Variants in PTPRD observed in about 807,000 individuals in gnomAD.
PTPRD encodes receptor-type tyrosine-protein phosphatase delta.
Under a neutral mutation model 214.5 loss-of-function variants are expected in PTPRD, and 34 were observed. The ratio of observed to expected loss-of-function variants is 0.16; its 90% CI spans 0.12 to 0.21. The LOEUF (loss-of-function observed/expected upper bound fraction) is 0.21. Ranked by LOEUF, PTPRD falls within the 10% of genes least tolerant of loss-of-function variation. The pLI is 1.00. For missense variants in PTPRD, 2,545 were observed against 2,398.7 expected (o/e 1.06, Z -1.27); for synonymous variants, 1,128 against 845.7 (o/e 1.33, Z -5.79).
At chr9:8,774,785 C>T (rs1428985751) in intron 11 of PTPRD, among the ~76,000 whole-genome samples, 9 of 152,156 alleles carry the variant, frequency 5.9e-5, no homozygotes, top group African/African-American at 2.2e-4. Context: ...CCCCCCGCCT[C>T]GGCCTCCCAA....
chr9:9,037,226 T>C (rs2099624858), intron 10 of PTPRD, among the ~76,000 whole-genome samples: 1 of 152,090 alleles, frequency 6.6e-6, no homozygotes, highest in Admixed American at 6.6e-5. Context: ...GATAATTTAG[T>C]CCAAATCCTC....
At chr9:9,466,752 T>C (rs2094189893) in intron 8 of PTPRD, among the ~76,000 whole-genome samples, 1 of 152,174 alleles carries the variant, frequency 6.6e-6, no homozygotes, top group Non-Finnish European at 1.5e-5. Context: ...TCCTGGACTT[T>C]TTGATTTTCT....
intron 9 of PTPRD, among the ~76,000 whole-genome samples, chr9:9,397,061 T>C (rs1480338268): frequency 2.6e-5 from 4 of 152,040 alleles, no homozygotes; most frequent in Non-Finnish European, 5.9e-5. Context: ...ATGGTATGGA[T>C]AGTAGAGAAA....
At chr9:10,404,349 G>C (rs915946580) in intron 2 of PTPRD, among the ~76,000 whole-genome samples, 6 of 151,656 alleles carry the variant, frequency 4.0e-5, no homozygotes, top group Non-Finnish European at 5.9e-5. Context: ...GACTTTTTGA[G>C]AGAAAGTTCA....
chr9:9,926,497 A>C (rs993531281), intron 5 of PTPRD, among the ~76,000 whole-genome samples: 1 of 152,190 alleles, frequency 6.6e-6, no homozygotes, highest in African/African-American at 2.4e-5. Flanking sequence ...CAGTAAATAC[A>C]TGATGAATGC....
At chr9:9,824,260 T>C (rs1360594645) in intron 5 of PTPRD, among the ~76,000 whole-genome samples, 1 of 152,016 alleles carries the variant, frequency 6.6e-6, no homozygotes, top group Non-Finnish European at 1.5e-5. Flanking sequence ...TGCATCTTTA[T>C]TTATCCTTAG....
At chr9:8,913,365 T>A (rs2098761320) in intron 11 of PTPRD, among the ~76,000 whole-genome samples, 4 of 152,110 alleles carry the variant, frequency 2.6e-5, no homozygotes, top group Admixed American at 2.6e-4. Flanking sequence ...ACTGAAGACA[T>A]CTCTCTGTTG....
chr9:9,820,195 G>C (rs909992388), intron 5 of PTPRD, among the ~76,000 whole-genome samples: 3 of 151,942 alleles, frequency 2.0e-5, no homozygotes, highest in Non-Finnish European at 4.4e-5. Context: ...TGGTGCATAC[G>C]GTATCTCATT....
intron 9 of PTPRD, among the ~76,000 whole-genome samples, 166 bp downstream of exon 9, chr9:9,397,283 T>G (rs1376875272): frequency 6.6e-6 from 1 of 151,982 alleles, no homozygotes; most frequent in Non-Finnish European, 1.5e-5. Context: ...AAGTCTTACT[T>G]TTAATTGAAA....
chr9:8,528,759 A>G lies in PTPRD; in HGVS notation c.373T>C (p.Phe125Leu). The G allele has an allele frequency of 6.2e-7, 1 of 1,613,370 alleles. No homozygotes were observed. The highest frequency in any genetic ancestry group is 8.5e-7 in the Non-Finnish European group (1 of 1,179,582). The change falls in exon 15 of 46, where the codon TTC becomes CTC. Residue 125 changes from phenylalanine (F) to leucine (L), a missense_variant. By Grantham distance (22) the Phe-to-Leu change is conservative (BLOSUM62 0). Transcript: ENST00000381196. The stretch of plus-strand genomic sequence containing the variant: ...TGTGGGCCCATGTCAATGGTAGGGA[A>G]GCCCCTGGGAATTTGATCTTCTGCA... ...VLREDQIPRG[F>L]PTIDMGPQLK...
At chr9:10,462,097 A>G (rs2098963124) in intron 2 of PTPRD, among the ~76,000 whole-genome samples, 1 of 152,156 alleles carries the variant, frequency 6.6e-6, no homozygotes, top group South Asian at 2.1e-4. Context: ...GTAAACTATG[A>G]GGAATGATAG....
chr9:10,282,903 C>CA (rs749153108), intron 3 of PTPRD, among the ~76,000 whole-genome samples: 24 of 152,096 alleles, frequency 1.6e-4, no homozygotes, highest in Non-Finnish European at 3.2e-4. Context: ...AGTCCCTCAC[C>CA]AAAACTCTAT....
At chr9:9,863,891 A>T (rs903651162) in intron 5 of PTPRD, among the ~76,000 whole-genome samples, 1 of 151,884 alleles carries the variant, frequency 6.6e-6, no homozygotes, top group African/African-American at 2.4e-5. Context: ...ATTGAACTAT[A>T]CCTGATCCCT....
intron 10 of PTPRD, among the ~76,000 whole-genome samples, chr9:9,142,260 C>T (rs2099861782): frequency 2.6e-5 from 4 of 152,196 alleles, no homozygotes. Flanking sequence ...ACTCTGATGC[C>T]TCCCTCCTGA....
intron 11 of PTPRD, among the ~76,000 whole-genome samples, chr9:8,768,524 G>C (rs1002882801): frequency 6.6e-6 from 1 of 152,138 alleles, no homozygotes; most frequent in Non-Finnish European, 1.5e-5. Context: ...CTGTACTTCA[G>C]CCTGGGTGAC....
chr9:8,783,793 A>C (rs1249855694), intron 11 of PTPRD, among the ~76,000 whole-genome samples: 1 of 152,268 alleles, frequency 6.6e-6, no homozygotes, highest in East Asian at 1.9e-4. Context: ...TTCCTTTACA[A>C]ATTCCCAGAT....
intron 3 of PTPRD, among the ~76,000 whole-genome samples, chr9:10,249,888 T>A (rs909551022): frequency 2.6e-5 from 4 of 152,016 alleles, no homozygotes; most frequent in African/African-American, 7.2e-5. Context: ...TTGAAAAAAA[T>A]AAAATAAATA....
intron 2 of PTPRD, among the ~76,000 whole-genome samples, chr9:10,384,024 G>A (rs753150191): frequency 4.0e-5 from 6 of 150,106 alleles, no homozygotes; most frequent in African/African-American, 1.2e-4. Context: ...ACCAAAGACT[G>A]AGAAGGGTAG....
At chr9:9,085,906 T>A (rs1289761341) in intron 10 of PTPRD, among the ~76,000 whole-genome samples, 1 of 152,220 alleles carries the variant, frequency 6.6e-6, no homozygotes, top group Admixed American at 6.5e-5. Flanking sequence ...CAGTTACTTG[T>A]GTCCAACCCT....
Sources: allele counts gnomAD v4.1 joint callset (sites outside exome capture counted in the v4.1 genomes callset), GRCh38; gene constraint gnomAD v4.1.1; transcripts MANE v1.5; gene names NCBI Gene and HGNC (gene_info 2026-07-23, HGNC 2026-07-21).